The following CDCP2 variants were observed in gnomAD, a reference collection of about 807,000 sequenced individuals.
CDCP2 encodes the protein CUB domain containing protein 2.
A neutral mutation model predicts 31.0 loss-of-function variants in CDCP2; 31 were observed. That is an observed-to-expected ratio of 1.00 (90% CI 0.75 to 1.35). CDCP2 has a LOEUF of 1.35. Among genes scored for constraint, CDCP2 ranks in the 40% most tolerant of loss-of-function variants. CDCP2 has a pLI of 0.00. For missense variants in CDCP2, 443 were observed against 482.6 expected (o/e 0.92, Z 0.77); for synonymous variants, 206 against 207.9 (o/e 0.99, Z 0.08).
chr1:54,151,731 C>T lies in CDCP2; in HGVS notation c.79+1113G>A, dbSNP rs932359060. 1.8e-4 allele frequency among the ~76,000 whole-genome samples: 27 copies of T among 152,292 alleles called. 1 individual carries two copies. Among genetic ancestry groups the T allele is most frequent in the African/African-American group, 2.6e-4 (11 of 41,550 alleles). On this transcript the variant is annotated intron_variant, in intron 1 of 5. Transcript: ENST00000530059. ...GCCGAAGGGTGAAATGATATCACCCCGGCTTCACAGACAGGTAAACAATGC... is the reference window on the plus strand; with the variant it reads ...GCCGAAGGGTGAAATGATATCACCCTGGCTTCACAGACAGGTAAACAATGC...
intron 1 of CDCP2, among the ~76,000 whole-genome samples, chr1:54,147,461 G>A (rs1305260426): frequency 1.3e-5 from 2 of 151,756 alleles, no homozygotes; most frequent in Non-Finnish European, 2.9e-5. Flanking sequence ...TCCATCTCCT[G>A]GGTTCCAGCA....
chr1:54,138,267 A>T (rs1659295347), intron 4 of CDCP2: 1 of 152,386 alleles, frequency 6.6e-6, no homozygotes, highest in South Asian at 2.1e-4. Context: ...CAGGTGGAGA[A>T]ACTGAGGCCC....
At chr1:54,136,546 G>A (rs2100419001) in intron 5 of CDCP2, 84 bp downstream of exon 5, 2 of 398,830 alleles carry the variant, frequency 5.0e-6, no homozygotes, top group Middle Eastern at 6.3e-4. Context: ...AGAGCCAGGA[G>A]AAGCTGAATT....
At chr1:54,134,402 G>A (rs948654568) in intron 5 of CDCP2, among the ~76,000 whole-genome samples, 9 of 152,230 alleles carry the variant, frequency 5.9e-5, no homozygotes, top group Admixed American at 1.3e-4. Context: ...TGAAGGAGTC[G>A]AGTGGCCCTG....
intron 1 of CDCP2, among the ~76,000 whole-genome samples, chr1:54,150,403 C>A (rs893708011): frequency 7.9e-5 from 12 of 152,056 alleles, no homozygotes; most frequent in Admixed American, 2.0e-4. Context: ...GAGACCAGCC[C>A]AGCCAACATG....
At chr1:54,149,222 C>T (rs1659532345) in intron 1 of CDCP2, among the ~76,000 whole-genome samples, 1 of 151,268 alleles carries the variant, frequency 6.6e-6, no homozygotes. Context: ...CAGAGAGAGA[C>T]CTTGTCTCTA....
At chr1:54,145,729 A>T (rs1011785838) in intron 1 of CDCP2, among the ~76,000 whole-genome samples, 17 of 152,228 alleles carry the variant, frequency 1.1e-4, no homozygotes, top group African/African-American at 4.1e-4. Context: ...GAAACTAATA[A>T]GAATAATTCT....
chr1:54,144,653 G>T (rs371983495), exon 2 of CDCP2: 2 of 1,614,070 alleles, frequency 1.2e-6, no homozygotes, highest in African/African-American at 2.7e-5. Context: ...TGCAGGTGTC[G>T]TGGTACTCTA....
chr1:54,134,817 C>A (rs1659232356), intron 5 of CDCP2, among the ~76,000 whole-genome samples: 1 of 151,994 alleles, frequency 6.6e-6, no homozygotes, highest in South Asian at 2.1e-4. Context: ...CTCACTGCAA[C>A]CTCTGCCTCC....
chr1:54,133,914 A>AAAC (rs1275262427), intron 5 of CDCP2, among the ~76,000 whole-genome samples: 60 of 147,732 alleles, frequency 4.1e-4, no homozygotes, highest in East Asian at 1.0e-3. Flanking sequence ...ACAAACAAAC[A>AAAC]AAAAAAACCC....
intron 4 of CDCP2, among the ~76,000 whole-genome samples, chr1:54,137,015 A>T (rs1421378230): frequency 6.6e-6 from 1 of 152,234 alleles, no homozygotes; most frequent in Non-Finnish European, 1.5e-5. Context: ...TGAGCTCCTC[A>T]GGGAAGGCAC....
At chr1:54,135,841 G>C (rs528949663) in intron 5 of CDCP2, among the ~76,000 whole-genome samples, 9 of 152,304 alleles carry the variant, frequency 5.9e-5, no homozygotes, top group African/African-American at 1.9e-4. Context: ...GGGAGGGTTT[G>C]CTGGAAAGCA....
At chr1:54,140,169 C>A in intron 3 of CDCP2, 63 bp from the exon 4 acceptor site, 1 of 1,514,338 alleles carries the variant, frequency 6.6e-7, no homozygotes. Flanking sequence ...TCACTCTCTG[C>A]AGTTACAGCT....
chr1:54,144,656 G>A (rs1659431459), exon 2 of CDCP2: 1 of 1,614,224 alleles, frequency 6.2e-7, no homozygotes, highest in East Asian at 2.2e-5. Flanking sequence ...AGGTGTCGTG[G>A]TACTCTAGGT....
At chr1:54,133,768 C>T (rs570194363) in intron 5 of CDCP2, among the ~76,000 whole-genome samples, 23 of 151,934 alleles carry the variant, frequency 1.5e-4, no homozygotes, top group Non-Finnish European at 1.9e-4. Flanking sequence ...TGATGGTGTG[C>T]GCCTGTAGTC....
At chr1:54,149,882 G>A (rs1659547542) in intron 1 of CDCP2, among the ~76,000 whole-genome samples, 2 of 152,242 alleles carry the variant, frequency 1.3e-5, no homozygotes. Context: ...GGCAGGGCAG[G>A]TGCTACTGAC....
At chr1:54,144,869 G>T (rs1412555460) in intron 1 of CDCP2, 56 bp from the exon 2 acceptor site, 2 of 1,396,068 alleles carry the variant, frequency 1.4e-6, no homozygotes, top group Admixed American at 2.2e-5. Context: ...GGGTACATGT[G>T]GTAAGGGCAG....
chr1:54,149,940 T>G (rs1330014392), intron 1 of CDCP2, among the ~76,000 whole-genome samples: 1 of 152,202 alleles, frequency 6.6e-6, no homozygotes, highest in Non-Finnish European at 1.5e-5. Context: ...AAGTCACTTG[T>G]TGTAGTGAAC....
chr1:54,138,233 C>G (rs1048074676), intron 4 of CDCP2: 1 of 152,392 alleles, frequency 6.6e-6, no homozygotes, highest in African/African-American at 2.4e-5. Context: ...CTTTAAAGAT[C>G]TTTCTGTCAA....
Sources: gnomAD v4.1 joint callset for allele counts (sites outside exome capture counted in the v4.1 genomes callset) on GRCh38, gnomAD v4.1.1 for gene constraint, MANE v1.5 for transcripts, NCBI Gene and HGNC (gene_info 2026-07-23, HGNC 2026-07-21) for gene names.